The following TNRC18 variants were observed in gnomAD, a reference collection of about 807,000 sequenced individuals.
TNRC18 encodes the protein trinucleotide repeat containing 18.
A neutral mutation model predicts 226.7 loss-of-function variants in TNRC18; 69 were observed. That is an observed-to-expected ratio of 0.30 (90% CI 0.25 to 0.37). The LOEUF (loss-of-function observed/expected upper bound fraction) is 0.37, where lower values mean the gene tolerates loss of function less well. Ranked by LOEUF, TNRC18 falls within the 10% of genes least tolerant of loss-of-function variation. The probability of loss-of-function intolerance (pLI) is 1.00; values close to 1 mark genes in which losing one functional copy is unlikely to be tolerated. For synonymous variants in TNRC18, 2,449 were observed against 1,927.6 expected (o/e 1.27, Z -7.09); for missense variants, 4,754 against 4,256.6 (o/e 1.12, Z -3.25).
chr7:5,377,312 AC>A lies in TNRC18; in HGVS notation c.2461+58del. On this transcript the variant is annotated intron_variant, in intron 7 of 29. Coordinates refer to ENST00000430969, the MANE Select transcript of TNRC18 (RefSeq NM_001080495.3). This position sits in a 1 kb window ranked among gnomAD's most constrained non-coding sequence, Gnocchi z 5.8. ...AGCCAGCCCTGAGCTCTTGTCCTGCACCCGCCCCCTCCCACCCCTCCCTCAG... is the reference window on the plus strand; with the variant it reads ...AGCCAGCCCTGAGCTCTTGTCCTGCACCGCCCCCTCCCACCCCTCCCTCAG... 7.7e-7 allele frequency: 1 copy of A among 1,295,736 alleles called. No individual in the cohort carries two copies. Among genetic ancestry groups the A allele is most frequent in the African/African-American group, 1.5e-5 (1 of 67,014 alleles). 80.3% of individuals were successfully genotyped at this position (1,295,736 alleles called of 1,614,324 possible). A position where few individuals can be genotyped will look rare whatever the true frequency, so the allele number is the denominator to read the frequency against.
At position 5,377,647 on chromosome 7, in the gene TNRC18, C is replaced by T; in HGVS notation, c.2256-71G>A. The T allele has an allele frequency of 6.8e-7, 1 of 1,461,202 alleles. No homozygotes were observed. The highest frequency in any genetic ancestry group is 9.3e-7 in the Non-Finnish European group (1 of 1,077,910). The allele number at this position is 1,461,202 out of a possible 1,614,324, so 90.5% of individuals were successfully genotyped here. On this transcript the variant is annotated intron_variant, in intron 6 of 29. Transcript: ENST00000430969. This position sits in a 1 kb window ranked among gnomAD's most constrained non-coding sequence, Gnocchi z 5.8. The stretch of plus-strand genomic sequence containing the variant: ...GGGACGAGAGGGAGAAGCGGGGTTG[C>T]CCCAAGGAACTGTTTGCCACCAGGC...
In TNRC18 at chr7:5,307,561, C is replaced by G; in HGVS notation, c.*545G>C. On this transcript the variant is annotated 3_prime_UTR_variant, in exon 30 of 30. Coordinates refer to ENST00000430969, the MANE Select transcript of TNRC18 (RefSeq NM_001080495.3). ...CCGGCTCTGTTCCCCAAGTCTAGGC[C>G]ATCCTGAGAGGGTGGGGGCAGGGCC... is the stretch of plus-strand genomic sequence containing the variant. The G allele has an allele frequency of 4.4e-6, 2 of 450,472 alleles. No individual in the cohort carries two copies. Among genetic ancestry groups the G allele is most frequent in the South Asian group, 1.6e-5 (1 of 63,576 alleles). The allele number at this position is 450,472 out of a possible 1,614,324, so 27.9% of individuals were successfully genotyped here. A position where few individuals can be genotyped will look rare whatever the true frequency, so the allele number is the denominator to read the frequency against.
intron 18 of TNRC18, among the ~76,000 whole-genome samples, chr7:5,342,306 G>C (rs1436519331): frequency 1.3e-5 from 2 of 152,038 alleles, no homozygotes; most frequent in Non-Finnish European, 2.9e-5. Flanking sequence ...GCGGGCACTT[G>C]TAATTCCAGC....
In TNRC18 at chr7:5,309,004, C is replaced by G; in HGVS notation, c.8626-55G>C. Reference sequence around the variant, plus strand: ...TGAGCCCGGGGGCTGCTGCACCCGACCCCAGGCCCCAGGACAGGGCTGACC... The same window carrying G: ...TGAGCCCGGGGGCTGCTGCACCCGAGCCCAGGCCCCAGGACAGGGCTGACC... On this transcript the variant is annotated intron_variant, in intron 28 of 29. Transcript: ENST00000430969. This position sits in a 1 kb window ranked among gnomAD's most constrained non-coding sequence, Gnocchi z 5.7. The G allele has an allele frequency of 6.5e-7, 1 of 1,547,064 alleles. No individual in the cohort carries two copies. Among genetic ancestry groups the G allele is most frequent in the Non-Finnish European group, 8.8e-7 (1 of 1,139,528 alleles).
At chr7:5,351,311 T>A (rs907640472) in intron 17 of TNRC18, among the ~76,000 whole-genome samples, 2 of 152,054 alleles carry the variant, frequency 1.3e-5, no homozygotes, top group Non-Finnish European at 2.9e-5. Context: ...GAACTCGATA[T>A]GTTTAATAAA....
chr7:5,332,971 T>C lies in TNRC18; in HGVS notation c.5798A>G (p.Lys1933Arg). ...GGGTCCCGGCTCCCCCAGCCCCTTC[T>C]TGGGCCGCAGCAGCCCCGCAGGCGA... ...KRSPAGLLRPKKGLGEPGPSL... is the reference protein window; with the variant it reads ...KRSPAGLLRPRKGLGEPGPSL... Residue 1933 changes from lysine to arginine, a missense_variant, in exon 19 of 30, where the codon AAG becomes AGG. Physicochemically the swap from Lys to Arg is conservative, Grantham distance 26. Coordinates refer to ENST00000430969, the MANE Select transcript of TNRC18 (RefSeq NM_001080495.3). The C allele has an allele frequency of 6.4e-7, 1 of 1,564,776 alleles. No individual in the cohort carries two copies. Among genetic ancestry groups the C allele is most frequent in the Non-Finnish European group, 8.6e-7 (1 of 1,163,160 alleles).
At chr7:5,391,261 C>A (rs1283862518) in intron 3 of TNRC18, among the ~76,000 whole-genome samples, 1 of 152,108 alleles carries the variant, frequency 6.6e-6, no homozygotes, top group Non-Finnish European at 1.5e-5. Context: ...AAGGCCACCC[C>A]CTCACCAGCA....
chr7:5,309,122 G>A lies in TNRC18; in HGVS notation c.8625+10C>T, dbSNP rs775433430. ...TAGGACTGGGGGCCGCAGCCGGGCCGCAGGCTCACCTGGCCCTGGTGGAAC... is the reference window on the plus strand; with the variant it reads ...TAGGACTGGGGGCCGCAGCCGGGCCACAGGCTCACCTGGCCCTGGTGGAAC... On this transcript the variant is annotated intron_variant, in intron 28 of 29. Coordinates refer to ENST00000430969, the MANE Select transcript of TNRC18 (RefSeq NM_001080495.3). This position sits in a 1 kb window ranked among gnomAD's most constrained non-coding sequence, Gnocchi z 5.7. 2.5e-5 allele frequency: 40 copies of A among 1,598,362 alleles called. No homozygotes were observed. Among genetic ancestry groups the A allele is most frequent in the African/African-American group, 6.7e-5 (5 of 74,384 alleles).
At chr7:5,332,375 G>T (rs1278351929) in intron 19 of TNRC18, among the ~76,000 whole-genome samples, 3 of 152,228 alleles carry the variant, frequency 2.0e-5, no homozygotes, top group Non-Finnish European at 4.4e-5. Flanking sequence ...AAAGGCTGCA[G>T]TGAGCCATGA....
At chr7:5,381,557 C>T (rs778015577) in intron 5 of TNRC18, among the ~76,000 whole-genome samples, 21 of 151,980 alleles carry the variant, frequency 1.4e-4, no homozygotes, top group Non-Finnish European at 2.5e-4. Context: ...TCTGTGTCCT[C>T]GAGGCTGCAG....
intron 21 of TNRC18, among the ~76,000 whole-genome samples, chr7:5,323,080 GGGTC>G (rs1562491216): frequency 6.6e-6 from 1 of 152,184 alleles, no homozygotes; most frequent in East Asian, 1.9e-4. Context: ...AGGCCACTGG[GGGTC>G]TGCATGGCCA....
intron 27 of TNRC18, among the ~76,000 whole-genome samples, chr7:5,311,832 AG>A: frequency 7.0e-6 from 1 of 141,862 alleles, no homozygotes; most frequent in South Asian, 2.3e-4. Flanking sequence ...AAAAAAAAAA[AG>A]AAAGAAAGAA....
intron 16 of TNRC18, among the ~76,000 whole-genome samples, chr7:5,355,159 C>A (rs73338463): frequency 1.8e-3 from 272 of 152,320 alleles, no homozygotes; most frequent in African/African-American, 6.4e-3. Flanking sequence ...AGCACCTGTC[C>A]GCCCTGGGCA....
chr7:5,336,003 T>A (rs993432234), intron 18 of TNRC18, among the ~76,000 whole-genome samples: 9 of 151,780 alleles, frequency 5.9e-5, no homozygotes, highest in Non-Finnish European at 1.3e-4. Flanking sequence ...GGTGAGGAGT[T>A]TGAGACCAGC....
intron 18 of TNRC18, among the ~76,000 whole-genome samples, chr7:5,342,660 A>T (rs143576098): frequency 6.6e-6 from 1 of 152,208 alleles, no homozygotes; most frequent in African/African-American, 2.4e-5. Context: ...TTGAGATGGC[A>T]TCTACTCCTG....
At chr7:5,407,569 G>T (rs372868665) in intron 2 of TNRC18, among the ~76,000 whole-genome samples, 3 of 152,232 alleles carry the variant, frequency 2.0e-5, no homozygotes, top group Non-Finnish European at 2.9e-5. Context: ...CTTAATTCCA[G>T]TCCCTCTCCC....
intron 18 of TNRC18, among the ~76,000 whole-genome samples, chr7:5,339,541 ATGTGTGTGTGTGTGTG>A (rs71536907): frequency 3.6e-5 from 5 of 137,054 alleles, no homozygotes; most frequent in Admixed American, 7.4e-5. Context: ...TGCCCAGCCA[ATGTGTGTGTGTGTGTG>A]TGTGTGTGTG....
chr7:5,325,375 A>G (rs1310845422), intron 19 of TNRC18, 127 bp from the exon 20 acceptor site: 7 of 1,041,384 alleles, frequency 6.7e-6, no homozygotes, highest in African/African-American at 1.7e-5. Context: ...AGGAGGAACA[A>G]AACACCCCTT....
At chr7:5,376,004 G>C in intron 9 of TNRC18, 30 bp downstream of exon 9, 1 of 1,561,918 alleles carries the variant, frequency 6.4e-7, no homozygotes. Context: ...GGCCCCCAGA[G>C]GGAGCTGCGC....
Sources: gnomAD v4.1 joint callset for allele counts (sites outside exome capture counted in the v4.1 genomes callset) on GRCh38, gnomAD v4.1.1 for gene constraint, Gnocchi (gnomAD v3.1) non-coding constraint, MANE v1.5 for transcripts, NCBI Gene and HGNC (gene_info 2026-07-23, HGNC 2026-07-21) for gene names.